Variants in PKN2 observed in about 807,000 individuals in gnomAD.
The protein encoded by PKN2 is serine/threonine-protein kinase N2.
In PKN2, 38 loss-of-function variants were observed where a neutral mutation model predicts 119.1. That is an observed-to-expected ratio of 0.32 (90% CI 0.25 to 0.42). The LOEUF (loss-of-function observed/expected upper bound fraction) is 0.42, where lower values mean the gene tolerates loss of function less well. PKN2 is among the 10% of genes least tolerant of loss of function. The pLI, the probability that PKN2 is intolerant of heterozygous loss-of-function variation, is 1.00. For missense variants in PKN2, 850 were observed against 1,165.1 expected, an observed-to-expected ratio of 0.73 and a Z score of 3.94; for synonymous variants, 390 against 384.9, an observed-to-expected ratio of 1.01 and a Z score of -0.15.
chr1:88,763,374 G>A (rs1311956490), intron 3 of PKN2, among the ~76,000 whole-genome samples: 1 of 152,070 alleles, frequency 6.6e-6, no homozygotes, highest in Admixed American at 6.5e-5. Flanking sequence ...TTGGAAGGCC[G>A]AGGCAGGTGG....
intron 1 of PKN2, among the ~76,000 whole-genome samples, chr1:88,732,790 A>G (rs1668192844): frequency 6.6e-6 from 1 of 152,192 alleles, no homozygotes; most frequent in South Asian, 2.1e-4. Flanking sequence ...TTGTAAGTGG[A>G]TAAATAAAAT....
At chr1:88,737,279 T>G (rs142578295) in intron 1 of PKN2, among the ~76,000 whole-genome samples, 1 of 152,234 alleles carries the variant, frequency 6.6e-6, no homozygotes, top group Non-Finnish European at 1.5e-5. Context: ...CTGAGTCTAT[T>G]CCACTGAGGC....
intron 17 of PKN2, among the ~76,000 whole-genome samples, chr1:88,822,397 A>C (rs1672329437): frequency 6.6e-6 from 1 of 152,136 alleles, no homozygotes; most frequent in South Asian, 2.1e-4. Context: ...TGCTTCCCTC[A>C]TTAAGAAGCC....
chr1:88,807,468 C>T (rs745616482), intron 13 of PKN2, 25 bp downstream of exon 13: 15 of 1,604,812 alleles, frequency 9.3e-6, no homozygotes, highest in South Asian at 5.6e-5. Flanking sequence ...CCAAATTTTG[C>T]GACTACATGT....
At chr1:88,798,460 T>C (rs1671178643) in intron 8 of PKN2, among the ~76,000 whole-genome samples, 1 of 152,068 alleles carries the variant, frequency 6.6e-6, no homozygotes, top group Non-Finnish European at 1.5e-5. Context: ...GATGAAACAT[T>C]ATTGACCATT....
In PKN2 at chr1:88,764,605, G is replaced by A. The variant is rs926069667; in HGVS notation, c.504+4229G>A. Among the ~76,000 whole-genome samples, 5 of 152,128 alleles carry A rather than the reference G, an allele frequency of 3.3e-5. No homozygotes were observed. The East Asian group carries it at 5.8e-4, about 18-fold the overall frequency. ...ACCGCTTCGCTGCCCATTTGTGGCC[G>A]TTTATCTTCCTCTGGCCCATAATTT... On this transcript the variant is annotated intron_variant, in intron 3 of 21. Transcript: ENST00000370521.
rs183911175 is a variant in PKN2 at position 88,730,031 on chromosome 1, G to A, written c.49-10957G>A. On this transcript the variant is annotated intron_variant, in intron 1 of 21. Coordinates refer to ENST00000370521, the MANE Select transcript of PKN2 (RefSeq NM_006256.4). ...TACAAAAAAATTAGCCGGGTGTGGT[G>A]GTGGGCGCCTGTAGTCCCAGCTACT... Among the ~76,000 whole-genome samples the A allele has an allele frequency of 6.6e-3, 1,004 of 152,188 alleles. 10 individuals carry two copies. Among genetic ancestry groups the A allele is most frequent in the African/African-American group, 0.02 (848 of 41,514 alleles).
At chr1:88,785,565 G>GTA (rs892270601) in intron 7 of PKN2, among the ~76,000 whole-genome samples, 2 of 152,156 alleles carry the variant, frequency 1.3e-5, no homozygotes, top group African/African-American at 4.8e-5. Flanking sequence ...TTTGAGGAGA[G>GTA]TAAAATGCAA....
rs1277377969 is a variant in PKN2, at chr1:88,829,824, A to G, written c.2562+1201A>G. 2.6e-5 allele frequency among the ~76,000 whole-genome samples: 4 copies of G among 152,302 alleles called. No homozygotes were observed. The East Asian group carries it at 5.8e-4, about 22-fold the overall frequency. ...TGAAGAAGTTAGTGCTGAATGAACA[A>G]ATTATCAAATTGAATATCAGAAATT... On this transcript the variant is annotated intron_variant, in intron 19 of 21. Coordinates refer to ENST00000370521, the MANE Select transcript of PKN2 (RefSeq NM_006256.4).
In PKN2 at chr1:88,771,762, A is replaced by G. The variant is rs773087811; in HGVS notation, c.868A>G (p.Arg290Gly). The G allele has an allele frequency of 7.4e-6, 12 of 1,613,728 alleles. No individual in the cohort carries two copies. In the South Asian group the frequency reaches 1.1e-4, roughly 15 times the overall value. ...NEVPKNHPKS[R>G]IIIEELSLVA... ...AGTCCCCAAGAATCATCCCAAAAGCAGGATTATTATTGAAGAACTTTCACT... is the reference window on the plus strand; with the variant it reads ...AGTCCCCAAGAATCATCCCAAAAGCGGGATTATTATTGAAGAACTTTCACT... Residue 290 changes from arginine to glycine, a missense_variant, in exon 6 of 22, where the codon AGG (arginine) becomes GGG (glycine). Arg to Gly is a moderately radical substitution (Grantham distance 125). Around this residue, in one of 9 missense-constraint regions of PKN2, gnomAD observed 350 missense variants for 511.1 expected, o/e 0.68. Transcript: ENST00000370521.
At chr1:88,749,497 G>A (rs1396400001) in intron 2 of PKN2, among the ~76,000 whole-genome samples, 1 of 152,004 alleles carries the variant, frequency 6.6e-6, no homozygotes, top group Non-Finnish European at 1.5e-5. Context: ...GGTGGTATTA[G>A]TTATAAAATA....
At chr1:88,755,323 G>A (rs545310930) in intron 2 of PKN2, among the ~76,000 whole-genome samples, 30 of 152,234 alleles carry the variant, frequency 2.0e-4, no homozygotes, top group African/African-American at 7.2e-4. Flanking sequence ...TAGGAAGGCA[G>A]GTTAAAGAGG....
At chr1:88,718,394 T>G (rs1042463454) in intron 1 of PKN2, among the ~76,000 whole-genome samples, 1 of 152,192 alleles carries the variant, frequency 6.6e-6, no homozygotes, top group Non-Finnish European at 1.5e-5. Context: ...TCTGCTGCCT[T>G]TGTTCAGCTA....
At chr1:88,790,077 C>T (rs1367621135) in intron 8 of PKN2, among the ~76,000 whole-genome samples, 2 of 152,136 alleles carry the variant, frequency 1.3e-5, no homozygotes, top group East Asian at 1.9e-4. Context: ...TGTATTAGTC[C>T]GCATTTCTTC....
Position 88,784,737 on chromosome 1 carries a change from A to G in PKN2, c.1084A>G (p.Ser362Gly), listed in dbSNP as rs762811155. 12 of 1,612,904 alleles carry G rather than the reference A, an allele frequency of 7.4e-6. No individual in the cohort carries two copies. Among genetic ancestry groups the G allele is most frequent in the Non-Finnish European group, 9.3e-6 (11 of 1,179,292 alleles). Residue 362 changes from serine to glycine, a missense_variant, in exon 7 of 22, where the codon AGT (serine) becomes GGT (glycine). Physicochemically the swap from Ser to Gly is moderately conservative, Grantham distance 56. Around this residue, in one of 9 missense-constraint regions of PKN2, gnomAD observed 350 missense variants for 511.1 expected, o/e 0.68. Coordinates refer to ENST00000370521, the MANE Select transcript of PKN2 (RefSeq NM_006256.4). ...AGTTGCACTGCCTGGTTGGAGTCCA[A>G]GTGAAACCAGATCATCTTTCATGAG... Reference protein sequence around the residue: ...TSVALPGWSPSETRSSFMSRT... With the variant: ...TSVALPGWSPGETRSSFMSRT...
intron 1 of PKN2, among the ~76,000 whole-genome samples, chr1:88,726,997 C>G (rs1332598200): frequency 6.6e-6 from 1 of 151,960 alleles, no homozygotes; most frequent in Non-Finnish European, 1.5e-5. Flanking sequence ...TCCTGGTTTT[C>G]TATTACTACT....
At chr1:88,831,610 C>T (rs1672736567) in intron 19 of PKN2, among the ~76,000 whole-genome samples, 1 of 151,904 alleles carries the variant, frequency 6.6e-6, no homozygotes, top group South Asian at 2.1e-4. Context: ...AGAAGCTCAG[C>T]CTTAAGAAGT....
intron 2 of PKN2, among the ~76,000 whole-genome samples, chr1:88,757,294 T>C (rs896292820): frequency 6.6e-6 from 1 of 152,196 alleles, no homozygotes; most frequent in African/African-American, 2.4e-5. Flanking sequence ...AGCACTATTA[T>C]TTTACATCCT....
chr1:88,687,406 T>G (rs1277678436), intron 1 of PKN2, among the ~76,000 whole-genome samples: 1 of 152,186 alleles, frequency 6.6e-6, no homozygotes, highest in African/African-American at 2.4e-5. Context: ...TTTGTTGTGT[T>G]GTATTCTCTT....
Sources: allele counts gnomAD v4.1 joint callset (sites outside exome capture counted in the v4.1 genomes callset), GRCh38; gene constraint gnomAD v4.1.1; regional missense constraint gnomAD v4.1.1; transcripts MANE v1.5; gene names NCBI Gene and HGNC (gene_info 2026-07-23, HGNC 2026-07-21).